Variants in ZNF430 observed in about 807,000 individuals in gnomAD.
The protein encoded by ZNF430 is zinc finger protein 430.
A neutral mutation model predicts 56.7 loss-of-function variants in ZNF430; 35 were observed. That is an observed-to-expected ratio of 0.62 (90% CI 0.47 to 0.82). The LOEUF (loss-of-function observed/expected upper bound fraction) is 0.82. Ranked by LOEUF, ZNF430 falls within the 40% of genes least tolerant of loss-of-function variation. ZNF430 has a pLI of 0.00. For synonymous variants in ZNF430, 212 were observed against 224.3 expected, an observed-to-expected ratio of 0.94 and a Z score of 0.49; for missense variants, 574 against 661.0, an observed-to-expected ratio of 0.87 and a Z score of 1.44.
Position 21,020,812 on chromosome 19 carries a change from G to A in ZNF430, c.3+9G>A. The A allele has an allele frequency of 6.2e-7, 1 of 1,613,838 alleles. No homozygotes were observed. ...CTGGAAGCCTAGAAATGGTGAGAGT[G>A]CCGGGTCCGACATCCCCAGAGAGGG... On this transcript the variant is annotated intron_variant, in intron 1 of 4. Coordinates refer to ENST00000261560, the MANE Select transcript of ZNF430 (RefSeq NM_025189.4).
intron 4 of ZNF430, among the ~76,000 whole-genome samples, chr19:21,037,047 G>A (rs1007872489): frequency 4.7e-5 from 7 of 150,262 alleles, no homozygotes; most frequent in South Asian, 2.1e-4. Flanking sequence ...CCATCATTTC[G>A]TTACTGGCTT....
At chr19:21,026,067 ACGGGG>A (rs1467036054) in intron 2 of ZNF430, 5 of 292,990 alleles carry the variant, frequency 1.7e-5, no homozygotes, top group African/African-American at 1.1e-4. Context: ...TTTAGTAGAG[ACGGGG>A]TTTCACCATG....
chr19:21,043,976 G>A (rs1279601353), intron 4 of ZNF430, among the ~76,000 whole-genome samples: 1 of 68,968 alleles, frequency 1.4e-5, no homozygotes, highest in Non-Finnish European at 4.9e-5. Flanking sequence ...CTTCTTATTA[G>A]CTGAAGAAGC....
At chr19:21,041,602 T>A (rs1190806910) in intron 4 of ZNF430, among the ~76,000 whole-genome samples, 1 of 152,216 alleles carries the variant, frequency 6.6e-6, no homozygotes, top group Non-Finnish European at 1.5e-5. Context: ...CACCTATCAA[T>A]TCATCACTTA....
In ZNF430 at chr19:21,020,684, T is replaced by G. The variant is rs1157985569; in HGVS notation, c.-117T>G. 6.9e-7 allele frequency: 1 copy of G among 1,454,270 alleles called. No individual in the cohort carries two copies. The highest frequency in any genetic ancestry group is 9.5e-7 in the Non-Finnish European group (1 of 1,050,896). The allele number at this position is 1,454,270 out of a possible 1,614,324, so 90.1% of individuals were successfully genotyped here. A position where few individuals can be genotyped will look rare whatever the true frequency, so the allele number is the denominator to read the frequency against. ...CCCTCGCTGTGGCCTGAGCTCCAGG[T>G]CTCGTCTTCAGCGCTCTGTGTCCTC... On this transcript the variant is annotated 5_prime_UTR_variant, in exon 1 of 5. Coordinates refer to ENST00000261560, the MANE Select transcript of ZNF430 (RefSeq NM_025189.4).
rs747809260 is a variant in ZNF430, at chr19:21,026,827, C to CTTTTTTTTTTTTTTTTTTTTTTTTTTT, written c.96+3969_96+3970insTTTTTTTTTTTTTTTTTTTTTTTTTTT. Among the ~76,000 whole-genome samples the CTTTTTTTTTTTTTTTTTTTTTTTTTTT allele has an allele frequency of 5.8e-5, 4 of 68,716 alleles. 1 individual carries two copies. Among genetic ancestry groups the CTTTTTTTTTTTTTTTTTTTTTTTTTTT allele is most frequent in the Non-Finnish European group, 1.0e-4 (4 of 39,474 alleles). The allele number at this position is 68,716 out of a possible 152,430, so 45.1% of individuals were successfully genotyped here. On this transcript the variant is annotated intron_variant, in intron 2 of 4. Transcript: ENST00000261560. ...TTGGATGCCTTTTTTCTTTTCTTTT[C>CTTTTTTTTTTTTTTTTTTTTTTTTTTT]TTTTTTTTTTTTTTTTTTTTTTTGA...
At chr19:21,034,305 G>T in intron 4 of ZNF430, 121 bp downstream of exon 4, 5 of 648,438 alleles carry the variant, frequency 7.7e-6, no homozygotes, top group Non-Finnish European at 1.2e-5. Context: ...GGAAGCCTGA[G>T]TTTTTTTTTT....
chr19:21,045,234 C>T (rs1444362019), intron 4 of ZNF430, among the ~76,000 whole-genome samples: 1 of 152,184 alleles, frequency 6.6e-6, no homozygotes, highest in African/African-American at 2.4e-5. Context: ...TTCCCCTTAA[C>T]ACTGCTTTAG....
chr19:21,048,251 A>T (rs1335284699), intron 4 of ZNF430, among the ~76,000 whole-genome samples: 1 of 120,918 alleles, frequency 8.3e-6, no homozygotes, highest in Non-Finnish European at 1.6e-5. Context: ...TGGCAGGGTC[A>T]TAGGACAATA....
chr19:21,050,894 G>A (rs1271123417), intron 4 of ZNF430, among the ~76,000 whole-genome samples: 1 of 152,070 alleles, frequency 6.6e-6, no homozygotes, highest in Admixed American at 6.6e-5. Context: ...CGGGTGTGGT[G>A]GCGAGTGCCT....
intron 4 of ZNF430, among the ~76,000 whole-genome samples, chr19:21,048,352 C>A (rs992465468): frequency 6.7e-6 from 1 of 149,804 alleles, no homozygotes; most frequent in African/African-American, 2.4e-5. Context: ...TGTTTGTGTC[C>A]CTGGGTACTT....
At position 21,057,831 on chromosome 19, in the gene ZNF430, T is replaced by C. The variant is rs372286579; in HGVS notation, c.1523T>C (p.Ile508Thr). The change falls in exon 5 of 5, where the codon ATT becomes ACT. Residue 508 changes from isoleucine (I) to threonine (T), a missense_variant. Ile to Thr is a moderately conservative substitution (Grantham distance 89). Around this residue, in one of 3 missense-constraint regions of ZNF430, gnomAD observed 213 missense variants for 221.0 expected, o/e 0.96. Transcript: ENST00000261560. ...SNLTKHKITH[I>T]GDTSYKYLEC... Reference sequence around the variant, plus strand: ...CTTACTAAACATAAGATAACTCATATTGGAGATACATCTTACAAATACCTA... The same window carrying C: ...CTTACTAAACATAAGATAACTCATACTGGAGATACATCTTACAAATACCTA... The C allele has an allele frequency of 6.2e-7, 1 of 1,613,496 alleles. No homozygotes were observed.
chr19:21,042,272 C>T (rs191191023), intron 4 of ZNF430, among the ~76,000 whole-genome samples: 9 of 152,222 alleles, frequency 5.9e-5, no homozygotes, highest in African/African-American at 2.2e-4. Context: ...AATGAACATA[C>T]ACATCCACAT....
chr19:21,033,680 G>T, intron 3 of ZNF430, 98 bp downstream of exon 3: 2 of 1,301,928 alleles, frequency 1.5e-6, no homozygotes, highest in Non-Finnish European at 2.1e-6. Context: ...TTGCATAAAT[G>T]AGTTTCTGAT....
chr19:21,034,181 C>A lies in ZNF430; in HGVS notation c.319C>A (p.Pro107Thr), dbSNP rs747668616. 2.5e-6 allele frequency: 4 copies of A among 1,592,332 alleles called. No homozygotes were observed. Among genetic ancestry groups the A allele is most frequent in the Non-Finnish European group, 3.4e-6 (4 of 1,167,276 alleles). Residue 107 changes from proline (P) to threonine (T), a missense_variant, in exon 4 of 5, where the codon CCA becomes ACA. Pro to Thr is a conservative substitution (Grantham distance 38). This residue lies in a region of ZNF430 where 346 missense variants were observed against 399.1 expected (regional missense o/e 0.87). Coordinates refer to ENST00000261560, the MANE Select transcript of ZNF430 (RefSeq NM_025189.4). ...MKRHAMVDQP[P>T]VTYSHFAQDL... Reference sequence around the variant, plus strand: ...GAGACATGCGATGGTAGATCAACCCCCAGGTAGGTGAGAGTGAACACAACA... The same window carrying A: ...GAGACATGCGATGGTAGATCAACCCACAGGTAGGTGAGAGTGAACACAACA...
At chr19:21,056,534 T>G in intron 4 of ZNF430, 97 bp from the exon 5 acceptor site, 1 of 888,126 alleles carries the variant, frequency 1.1e-6, no homozygotes, top group Non-Finnish European at 1.6e-6. Flanking sequence ...TATGCCATCT[T>G]GTTTATGTAG....
At chr19:21,021,759 T>C (rs1249584433) in intron 1 of ZNF430, among the ~76,000 whole-genome samples, 1 of 151,880 alleles carries the variant, frequency 6.6e-6, no homozygotes, top group Non-Finnish European at 1.5e-5. Flanking sequence ...CAGTATACAG[T>C]TGATTAAGCC....
At chr19:21,053,566 G>A (rs1968319631) in intron 4 of ZNF430, 1 of 152,024 alleles carries the variant, frequency 6.6e-6, no homozygotes, top group Non-Finnish European at 1.5e-5. Flanking sequence ...GCTAATTTTT[G>A]TATTTTTGCT....
At chr19:21,038,510 C>CTCCT (rs1968044495) in intron 4 of ZNF430, among the ~76,000 whole-genome samples, 1 of 152,112 alleles carries the variant, frequency 6.6e-6, no homozygotes, top group South Asian at 2.1e-4. Flanking sequence ...TCACTGCAAC[C>CTCCT]TCCTCCTCCT....
Sources: gnomAD v4.1 joint callset for allele counts (sites outside exome capture counted in the v4.1 genomes callset) on GRCh38, gnomAD v4.1.1 for gene constraint, gnomAD v4.1.1 regional missense constraint, MANE v1.5 for transcripts, NCBI Gene and HGNC (gene_info 2026-07-23, HGNC 2026-07-21) for gene names.